Variants in NPTN observed in about 807,000 individuals in gnomAD.
NPTN encodes the protein SDR-1.
A neutral mutation model predicts 42.7 loss-of-function variants in NPTN; 5 were observed. The ratio of observed to expected loss-of-function variants is 0.12; its 90% confidence interval spans 0.06 to 0.25. NPTN has a LOEUF of 0.25. Ranked by LOEUF, NPTN falls within the 10% of genes least tolerant of loss-of-function variation. NPTN has a pLI of 1.00. For missense variants in NPTN, 307 were observed against 525.4 expected (o/e 0.58, Z 4.06); for synonymous variants, 180 against 201.9 (o/e 0.89, Z 0.92).
intron 1 of NPTN, among the ~76,000 whole-genome samples, chr15:73,625,835 A>G (rs1898376305): frequency 6.6e-6 from 1 of 152,222 alleles, no homozygotes; most frequent in Non-Finnish European, 1.5e-5. Context: ...TTTATTCATT[A>G]CTTAATCTAT....
chr15:73,580,469 T>TTATATATACATAAATA (rs1171036052), intron 4 of NPTN, among the ~76,000 whole-genome samples: 2 of 135,266 alleles, frequency 1.5e-5, no homozygotes, highest in Non-Finnish European at 3.1e-5. Flanking sequence ...CAAAATATAT[T>TTATATATACATAAATA]TATATATACA....
At chr15:73,563,567 A>G in intron 6 of NPTN, 1 of 1,186,970 alleles carries the variant, frequency 8.4e-7, no homozygotes, top group Non-Finnish European at 1.0e-6. Flanking sequence ...CTTGTCCCCA[A>G]GTTCCAGTGG....
chr15:73,631,997 C>G (rs769670160), intron 1 of NPTN, among the ~76,000 whole-genome samples: 3 of 152,148 alleles, frequency 2.0e-5, no homozygotes, highest in Non-Finnish European at 4.4e-5. Flanking sequence ...TCATGTTCCT[C>G]GGAAATAACG....
intron 1 of NPTN, among the ~76,000 whole-genome samples, chr15:73,618,903 T>C (rs1006717788): frequency 6.6e-6 from 1 of 151,628 alleles, no homozygotes; most frequent in Non-Finnish European, 1.5e-5. Flanking sequence ...AAAAGTTTTT[T>C]AAAAAATTAG....
chr15:73,618,432 T>A (rs955596294), intron 1 of NPTN, among the ~76,000 whole-genome samples: 1 of 152,078 alleles, frequency 6.6e-6, no homozygotes, highest in East Asian at 1.9e-4. Flanking sequence ...AACCACTACC[T>A]CTCTGTCTAA....
intron 4 of NPTN, among the ~76,000 whole-genome samples, chr15:73,580,422 A>ATATATATTATATATATTATATATAT (rs1555407984): frequency 3.9e-5 from 4 of 102,116 alleles, no homozygotes; most frequent in African/African-American, 1.6e-4. Context: ...TATATATATA[A>ATATATATTATATATATTATATATAT]TATATATATA....
At chr15:73,610,817 A>C (rs1233216424) in intron 1 of NPTN, among the ~76,000 whole-genome samples, 7 of 152,228 alleles carry the variant, frequency 4.6e-5, no homozygotes, top group Non-Finnish European at 1.0e-4. Context: ...TTGGAAAATA[A>C]GGATATGATA....
At chr15:73,607,243 T>G (rs1419310620) in intron 1 of NPTN, among the ~76,000 whole-genome samples, 2 of 152,200 alleles carry the variant, frequency 1.3e-5, no homozygotes, top group African/African-American at 4.8e-5. Flanking sequence ...TTTAGCAAGT[T>G]GAATAAACCA....
intron 3 of NPTN, among the ~76,000 whole-genome samples, chr15:73,588,608 G>A (rs776723968): frequency 1.3e-5 from 2 of 152,012 alleles, no homozygotes; most frequent in Non-Finnish European, 2.9e-5. Context: ...AAGCTTGTTC[G>A]CACCTCAAAA....
chr15:73,569,638 G>A lies in NPTN; in HGVS notation c.1114+512C>T. 1.0e-6 allele frequency: 1 copy of A among 985,476 alleles called. No individual in the cohort carries two copies. The highest frequency in any genetic ancestry group is 1.2e-6 in the Non-Finnish European group (1 of 829,936). The allele number at this position is 985,476 out of a possible 1,614,324, so 61.0% of individuals were successfully genotyped here. A position where few individuals can be genotyped will look rare whatever the true frequency, so the allele number is the denominator to read the frequency against. ...GCTGGCTTGTTCCAATGGCTTTTCT[G>A]AGAACAGTCTGACTGGGCTGGGGCA... On this transcript the variant is annotated intron_variant, in intron 6 of 8. Transcript: ENST00000345330. The surrounding 1 kb of genome is among the most constrained non-coding windows in gnomAD (Gnocchi z 4.1).
intron 1 of NPTN, among the ~76,000 whole-genome samples, chr15:73,606,544 T>C (rs1466118046): frequency 2.6e-5 from 4 of 152,198 alleles, no homozygotes; most frequent in Non-Finnish European, 4.4e-5. Context: ...GGTTCAAATA[T>C]GTAAGTGAAA....
Position 73,561,959 on chromosome 15 carries a change from G to C in NPTN, c.1148C>G (p.Ser383Cys). 9.4e-6 allele frequency: 15 copies of C among 1,595,232 alleles called. No individual in the cohort carries two copies. The highest frequency in any genetic ancestry group is 1.3e-5 in the Non-Finnish European group (15 of 1,174,900). Residue 383 changes from serine to cysteine, a missense_variant, in exon 8 of 9, where the codon TCT becomes TGT. Coordinates refer to ENST00000345330, the MANE Select transcript of NPTN (RefSeq NM_012428.4). ...GTTTTTATCTTTGTGATTGTTGGTA[G>C]AGTTGGTTTTCCTTTGGAGGAAAAA... Reference protein sequence around the residue: ...DEPAGPMKTNSTNNHKDKNLR... With the variant: ...DEPAGPMKTNCTNNHKDKNLR...
At chr15:73,568,935 A>G (rs779274209) in intron 6 of NPTN, 276 of 985,418 alleles carry the variant, frequency 2.8e-4, no homozygotes, top group Non-Finnish European at 3.2e-4. Flanking sequence ...CAGAGAGTCT[A>G]AAGCCACTGG....
chr15:73,631,268 CTTCT>C (rs1898725248), intron 1 of NPTN, among the ~76,000 whole-genome samples: 2 of 152,308 alleles, frequency 1.3e-5, no homozygotes, highest in Middle Eastern at 6.8e-3. Context: ...TAGCATTAGG[CTTCT>C]TTAAGTCATG....
rs138776599 is a variant in NPTN at position 73,592,047 on chromosome 15, T to A, written c.530A>T (p.His177Leu). ...TGTCCAGTAGCTGTATGTAAGGGTG[T>A]GAGAGCTGGAGGTGAGGTTACACTG... Reference protein sequence around the residue: ...TLQCNLTSSSHTLTYSYWTKN... With the variant: ...TLQCNLTSSSLTLTYSYWTKN... The change falls in exon 3 of 9, where the codon CAC becomes CTC. Residue 177 changes from histidine (H) to leucine (L), a missense_variant. His to Leu is a moderately conservative substitution (Grantham distance 99). Around this residue, in one of 2 missense-constraint regions of NPTN, gnomAD observed 264 missense variants for 491.1 expected, o/e 0.54. Coordinates refer to ENST00000345330, the MANE Select transcript of NPTN (RefSeq NM_012428.4). The A allele has an allele frequency of 2.0e-5, 32 of 1,613,410 alleles. 1 individual carries two copies. In the African/African-American group the frequency reaches 2.4e-4, roughly 12 times the overall value.
chr15:73,592,228 T>C (rs1896628040), intron 2 of NPTN, 91 bp from the exon 3 acceptor site: 1 of 1,112,110 alleles, frequency 9.0e-7, no homozygotes, highest in East Asian at 2.5e-5. Flanking sequence ...AGGGGGAAAC[T>C]AGAAAAAGAG....
Position 73,597,407 on chromosome 15 carries a change from AT to A in NPTN, c.92-39del. 1.4e-6 allele frequency: 2 copies of A among 1,429,846 alleles called. No individual in the cohort carries two copies. Among genetic ancestry groups the A allele is most frequent in the Admixed American group, 2.2e-5 (1 of 45,904 alleles). 88.6% of individuals were successfully genotyped at this position (1,429,846 alleles called of 1,614,324 possible). On this transcript the variant is annotated intron_variant, in intron 1 of 8. Coordinates refer to ENST00000345330, the MANE Select transcript of NPTN (RefSeq NM_012428.4). This position sits in a 1 kb window ranked among gnomAD's most constrained non-coding sequence, Gnocchi z 6.3. Reference sequence around the variant, plus strand: ...GGAGCAGGAATGCAGTGACAGGCCAATCAGAAAAAAAAAAAAGAATCAACAG... The same window carrying A: ...GGAGCAGGAATGCAGTGACAGGCCAACAGAAAAAAAAAAAAGAATCAACAG...
At chr15:73,592,513 T>C (rs1370302929) in intron 2 of NPTN, among the ~76,000 whole-genome samples, 1 of 152,200 alleles carries the variant, frequency 6.6e-6, no homozygotes, top group African/African-American at 2.4e-5. Context: ...ACAAAGGCCA[T>C]ATCATTTATA....
chr15:73,585,969 C>G lies in NPTN; in HGVS notation c.706+1555G>C, dbSNP rs116529323. ...GAAAGATGCCTCTAGGGCCACTAAACCCCACCTTCGTAAGCAGCCAAACAA... is the reference window on the plus strand; with the variant it reads ...GAAAGATGCCTCTAGGGCCACTAAAGCCCACCTTCGTAAGCAGCCAAACAA... On this transcript the variant is annotated intron_variant, in intron 4 of 8. Transcript: ENST00000345330. 5.8e-3 allele frequency among the ~76,000 whole-genome samples: 887 copies of G among 152,338 alleles called. 6 individuals carry two copies. The highest frequency in any genetic ancestry group is 0.02 in the African/African-American group (845 of 41,580).
Sources: gnomAD v4.1 joint callset for allele counts (sites outside exome capture counted in the v4.1 genomes callset) on GRCh38, gnomAD v4.1.1 for gene constraint, gnomAD v4.1.1 regional missense constraint, Gnocchi (gnomAD v3.1) non-coding constraint, MANE v1.5 for transcripts, NCBI Gene and HGNC (gene_info 2026-07-23, HGNC 2026-07-21) for gene names.